PTPRN2: variants seen among roughly 807,000 people sequenced by gnomAD.
PTPRN2 encodes protein tyrosine phosphatase receptor type N2, also known as receptor-type tyrosine-protein phosphatase N2.
A neutral mutation model predicts 118.8 loss-of-function variants in PTPRN2; 74 were observed. The observed-to-expected ratio is 0.62, with a 90% CI of 0.52 to 0.76. The LOEUF is 0.76. Among genes scored for constraint, PTPRN2 ranks in the 30% least tolerant of loss-of-function variants. PTPRN2 has a pLI of 0.00. For synonymous variants in PTPRN2, 641 were observed against 608.0 expected (o/e 1.05, Z -0.80); for missense variants, 1,481 against 1,394.4 (o/e 1.06, Z -0.99).
intron 9 of PTPRN2, among the ~76,000 whole-genome samples, chr7:158,130,267 C>T (rs4909100): frequency 0.087 from 13,291 of 152,222 alleles, 617 homozygotes; most frequent in Non-Finnish European, 0.095. Flanking sequence ...ACCTCCAGTG[C>T]GAATGATCCT....
At chr7:157,842,263 C>G (rs1055686828) in intron 12 of PTPRN2, among the ~76,000 whole-genome samples, 6 of 152,104 alleles carry the variant, frequency 3.9e-5, no homozygotes, top group Non-Finnish European at 7.4e-5. Flanking sequence ...GTCATTTCAG[C>G]GCGCTCCAAT....
intron 12 of PTPRN2, among the ~76,000 whole-genome samples, chr7:157,756,818 G>A (rs892146333): frequency 2.6e-5 from 4 of 151,212 alleles, no homozygotes; most frequent in African/African-American, 7.3e-5. Context: ...CCCTGTTCCT[G>A]ATAGACGAGA....
intron 11 of PTPRN2, among the ~76,000 whole-genome samples, chr7:158,073,844 C>G (rs1049006732): frequency 2.6e-5 from 4 of 152,324 alleles, no homozygotes; most frequent in Non-Finnish European, 4.4e-5. Context: ...TTCAACACAG[C>G]AAAACAGAGA....
chr7:158,572,920 C>T (rs1828124350), intron 1 of PTPRN2, among the ~76,000 whole-genome samples: 1 of 152,208 alleles, frequency 6.6e-6, no homozygotes, highest in African/African-American at 2.4e-5. Context: ...TGAGTTTATA[C>T]TTTCTGAATG....
In PTPRN2 at chr7:158,325,773, G is replaced by A. The variant is rs546710049; in HGVS notation, c.164-8841C>T. 9.9e-5 allele frequency among the ~76,000 whole-genome samples: 15 copies of A among 152,268 alleles called. No individual in the cohort carries two copies. In the East Asian group the frequency reaches 2.9e-3, roughly 29 times the overall value. On this transcript the variant is annotated intron_variant, in intron 2 of 22. Transcript: ENST00000389418. The stretch of plus-strand genomic sequence containing the variant: ...GCGGAGCAAGCACTAGCACGTTCCA[G>A]GGCTGGGCAGGGACTGCGACCATTT...
At chr7:157,767,214 A>C (rs1035861597) in intron 12 of PTPRN2, among the ~76,000 whole-genome samples, 2 of 152,172 alleles carry the variant, frequency 1.3e-5, no homozygotes, top group Non-Finnish European at 1.5e-5. Flanking sequence ...CTGGGCACAC[A>C]GCACTCCACG....
In PTPRN2 at chr7:158,384,999, G is replaced by T. The variant is rs181888227; in HGVS notation, c.164-68067C>A. Among the ~76,000 whole-genome samples the T allele has an allele frequency of 5.3e-3, 806 of 151,982 alleles. 3 individuals carry two copies. Among genetic ancestry groups the T allele is most frequent in the Non-Finnish European group, 9.0e-3 (611 of 67,994 alleles). On this transcript the variant is annotated intron_variant, in intron 2 of 22. Transcript: ENST00000389418. ...AGCAGGATTTGCTGGTGTGACTTCC[G>T]CCCTCACCGCAGAAGAATTTGCTGG...
chr7:158,131,129 CACAT>C (rs1818221808), intron 9 of PTPRN2, among the ~76,000 whole-genome samples: 1 of 83,402 alleles, frequency 1.2e-5, no homozygotes, highest in Non-Finnish European at 2.1e-5. Flanking sequence ...CACTCATACG[CACAT>C]ACACACATAC....
chr7:158,023,644 G>A (rs940829912), intron 11 of PTPRN2, among the ~76,000 whole-genome samples: 10 of 152,124 alleles, frequency 6.6e-5, no homozygotes, highest in African/African-American at 1.2e-4. Flanking sequence ...AGACAGTTGC[G>A]TAGAGACCCT....
intron 12 of PTPRN2, among the ~76,000 whole-genome samples, chr7:157,814,210 C>T (rs1332108545): frequency 1.3e-5 from 2 of 152,236 alleles, no homozygotes; most frequent in Non-Finnish European, 2.9e-5. Context: ...CCCCTGCTGA[C>T]GCCATTTACA....
intron 16 of PTPRN2, among the ~76,000 whole-genome samples, chr7:157,599,970 C>A (rs1406453021): frequency 9.9e-6 from 1 of 101,378 alleles, no homozygotes; most frequent in Non-Finnish European, 2.0e-5. Context: ...CACCTGCCTA[C>A]CTCTCCACCT....
intron 2 of PTPRN2, among the ~76,000 whole-genome samples, chr7:158,330,854 G>A (rs1490296553): frequency 5.1e-5 from 5 of 98,384 alleles, no homozygotes; most frequent in African/African-American, 1.8e-4. Flanking sequence ...CTCACCATAA[G>A]AGCTGATGCC....
At chr7:157,703,724 C>A (rs1032765639) in intron 12 of PTPRN2, among the ~76,000 whole-genome samples, 1 of 152,086 alleles carries the variant, frequency 6.6e-6, no homozygotes, top group African/African-American at 2.4e-5. Context: ...CACCTCAGCA[C>A]GCTCCCCTCA....
chr7:158,341,323 C>T (rs62493628), intron 2 of PTPRN2, among the ~76,000 whole-genome samples: 4,246 of 114,466 alleles, frequency 0.037, 1 homozygote, highest in Middle Eastern at 0.056. Flanking sequence ...CACCCACACA[C>T]GTCACTCACA....
At chr7:157,634,970 C>A (rs1414139295) in intron 14 of PTPRN2, among the ~76,000 whole-genome samples, 2 of 152,190 alleles carry the variant, frequency 1.3e-5, no homozygotes, top group African/African-American at 4.8e-5. Context: ...ATGTTCTGAC[C>A]AGCCAGCATG....
At chr7:157,630,344 T>C (rs921293685) in intron 14 of PTPRN2, among the ~76,000 whole-genome samples, 2 of 152,250 alleles carry the variant, frequency 1.3e-5, no homozygotes, top group Non-Finnish European at 2.9e-5. Flanking sequence ...GATCAGAAGA[T>C]AGTTTCACTA....
chr7:157,551,747 C>T lies in PTPRN2; in HGVS notation c.2903-2728G>A, dbSNP rs534289341. ...ACAGCCACCACACAACCCACAGCCACCACACAACCCACAGCCACCATGCAC... is the reference window on the plus strand; with the variant it reads ...ACAGCCACCACACAACCCACAGCCATCACACAACCCACAGCCACCATGCAC... On this transcript the variant is annotated intron_variant, in intron 21 of 22. Transcript: ENST00000389418. Among the ~76,000 whole-genome samples, 31 of 145,030 alleles carry T rather than the reference C, an allele frequency of 2.1e-4. No individual in the cohort carries two copies. In the East Asian group the frequency reaches 2.5e-3, roughly 12 times the overall value.
chr7:158,193,956 C>T (rs535525646), intron 4 of PTPRN2, among the ~76,000 whole-genome samples: 20 of 150,818 alleles, frequency 1.3e-4, no homozygotes, highest in African/African-American at 4.1e-4. Context: ...CATGGGGGCT[C>T]GCAGCTATAA....
intron 2 of PTPRN2, among the ~76,000 whole-genome samples, chr7:158,460,291 A>G (rs543970569): frequency 8.0e-4 from 119 of 148,064 alleles, no homozygotes; most frequent in Non-Finnish European, 1.5e-3. Flanking sequence ...ATGGGACTCT[A>G]TCTACAAGTT....
Sources: gnomAD v4.1 joint callset for allele counts (sites outside exome capture counted in the v4.1 genomes callset) on GRCh38, gnomAD v4.1.1 for gene constraint, MANE v1.5 for transcripts, NCBI Gene and HGNC (gene_info 2026-07-23, HGNC 2026-07-21) for gene names.